The following ZFPM2 variants were observed in gnomAD, a reference collection of about 807,000 sequenced individuals.
The protein encoded by ZFPM2 is zinc finger protein, FOG family member 2.
A neutral mutation model predicts 98.6 loss-of-function variants in ZFPM2; 20 were observed. That is an observed-to-expected ratio of 0.20 (90% CI 0.14 to 0.29). The LOEUF is 0.29. ZFPM2 is among the 10% of genes least tolerant of loss of function. The pLI, the probability that ZFPM2 is intolerant of heterozygous loss-of-function variation, is 1.00. For synonymous variants in ZFPM2, 518 were observed against 502.7 expected (o/e 1.03, Z -0.41); for missense variants, 1,310 against 1,388.6 (o/e 0.94, Z 0.90).
chr8:105,675,472 G>C (rs908402386), intron 5 of ZFPM2, among the ~76,000 whole-genome samples: 3 of 152,174 alleles, frequency 2.0e-5, no homozygotes, highest in African/African-American at 7.2e-5. Flanking sequence ...GTTAGGCACT[G>C]TGGATAAATC....
chr8:105,761,696 T>C (rs573129570), intron 5 of ZFPM2, among the ~76,000 whole-genome samples: 1 of 152,084 alleles, frequency 6.6e-6, no homozygotes, highest in South Asian at 2.1e-4. Context: ...TTACAGACTT[T>C]TGTGTATTGC....
intron 3 of ZFPM2, among the ~76,000 whole-genome samples, chr8:105,483,022 C>CCTTCCTTCCTTCCTTCCTTT (rs1431186400): frequency 1.5e-5 from 2 of 129,338 alleles, no homozygotes; most frequent in Admixed American, 1.7e-4. Context: ...TTCCTTCCTT[C>CCTTCCTTCCTTCCTTCCTTT]CTTCCTTCCT....
At chr8:105,643,261 A>C (rs1352214755) in intron 5 of ZFPM2, among the ~76,000 whole-genome samples, 8 of 152,152 alleles carry the variant, frequency 5.3e-5, no homozygotes, top group African/African-American at 1.4e-4. Flanking sequence ...TCATTACCAG[A>C]CTTCGACAAT....
chr8:105,492,392 T>A (rs1813372890), intron 3 of ZFPM2, among the ~76,000 whole-genome samples: 1 of 152,162 alleles, frequency 6.6e-6, no homozygotes, highest in South Asian at 2.1e-4. Flanking sequence ...TCTCTAGTAC[T>A]GAAAAAATAG....
chr8:105,496,500 A>G (rs1299846054), intron 3 of ZFPM2, among the ~76,000 whole-genome samples: 1 of 152,092 alleles, frequency 6.6e-6, no homozygotes, highest in Admixed American at 6.6e-5. Flanking sequence ...CAAGAATAAA[A>G]CAAAAATAAT....
intron 3 of ZFPM2, among the ~76,000 whole-genome samples, chr8:105,518,630 G>GA (rs1388971090): frequency 2.0e-5 from 3 of 152,202 alleles, no homozygotes; most frequent in Non-Finnish European, 4.4e-5. Flanking sequence ...GAGTTGGCCT[G>GA]AAAGGAGGTG....
At chr8:105,758,217 G>A (rs1399715708) in intron 5 of ZFPM2, among the ~76,000 whole-genome samples, 7 of 152,066 alleles carry the variant, frequency 4.6e-5, no homozygotes, top group African/African-American at 1.7e-4. Context: ...AAATAATCAC[G>A]ACTATCATTC....
intron 3 of ZFPM2, among the ~76,000 whole-genome samples, chr8:105,467,740 T>TAC (rs993007026): frequency 6.6e-5 from 10 of 151,850 alleles, no homozygotes; most frequent in Non-Finnish European, 1.3e-4. Context: ...CACATACACA[T>TAC]ACACACACAC....
chr8:105,710,395 A>C (rs1347122773), intron 5 of ZFPM2, among the ~76,000 whole-genome samples: 2 of 152,168 alleles, frequency 1.3e-5, no homozygotes, highest in South Asian at 4.1e-4. Flanking sequence ...CTTAATAAGC[A>C]TATCACTTCT....
chr8:105,372,774 A>G (rs1810649459), intron 1 of ZFPM2, among the ~76,000 whole-genome samples: 1 of 152,206 alleles, frequency 6.6e-6, no homozygotes, highest in Non-Finnish European at 1.5e-5. Flanking sequence ...GTCATGTAGA[A>G]AGGAAAGAAA....
intron 2 of ZFPM2, among the ~76,000 whole-genome samples, chr8:105,429,623 G>C (rs1811980944): frequency 6.6e-6 from 1 of 150,816 alleles, no homozygotes; most frequent in African/African-American, 2.5e-5. Flanking sequence ...TGTATTGGTG[G>C]CTGACTCCTA....
chr8:105,485,763 G>A (rs887960996), intron 3 of ZFPM2, among the ~76,000 whole-genome samples: 1 of 152,106 alleles, frequency 6.6e-6, no homozygotes, highest in African/African-American at 2.4e-5. Flanking sequence ...GACTACTGGG[G>A]GAAAGGGACT....
intron 1 of ZFPM2, among the ~76,000 whole-genome samples, chr8:105,406,158 T>A (rs1452222055): frequency 6.6e-6 from 1 of 152,176 alleles, no homozygotes; most frequent in Admixed American, 6.6e-5. Flanking sequence ...TTGAGTTCAT[T>A]GTAGATTCTG....
intron 3 of ZFPM2, among the ~76,000 whole-genome samples, chr8:105,456,159 TG>T (rs58275062): frequency 0.014 from 1,975 of 137,740 alleles, 110 homozygotes; most frequent in African/African-American, 0.048. Context: ...TTTTTTTGTT[TG>T]TTTGTTTGTT....
intron 5 of ZFPM2, among the ~76,000 whole-genome samples, chr8:105,731,914 T>C (rs772524463): frequency 2.0e-5 from 3 of 151,790 alleles, no homozygotes; most frequent in Non-Finnish European, 2.9e-5. Context: ...GCTTAGTTTA[T>C]TGAATAGCAA....
At chr8:105,459,744 C>T (rs1470085812) in intron 3 of ZFPM2, among the ~76,000 whole-genome samples, 2 of 152,104 alleles carry the variant, frequency 1.3e-5, no homozygotes, top group East Asian at 3.9e-4. Context: ...GCTTAGAGTC[C>T]TCTCCTTATG....
chr8:105,393,362 C>CTT (rs1586340185), intron 1 of ZFPM2, among the ~76,000 whole-genome samples: 1 of 103,464 alleles, frequency 9.7e-6, no homozygotes, highest in Non-Finnish European at 1.9e-5. Context: ...TTCTTTCTTT[C>CTT]TTTCTTTCTT....
chr8:105,544,562 C>T (rs1207427744), intron 3 of ZFPM2, among the ~76,000 whole-genome samples: 1 of 152,160 alleles, frequency 6.6e-6, no homozygotes, highest in Non-Finnish European at 1.5e-5. Context: ...TGCAACAAAG[C>T]TGAAACTGAA....
chr8:105,465,506 C>T (rs947843013), intron 3 of ZFPM2, among the ~76,000 whole-genome samples: 1 of 151,692 alleles, frequency 6.6e-6, no homozygotes, highest in Non-Finnish European at 1.5e-5. Context: ...ACAAAAAACG[C>T]AAAGCCAACA....
Sources: gnomAD v4.1 joint callset for allele counts (sites outside exome capture counted in the v4.1 genomes callset) on GRCh38, gnomAD v4.1.1 for gene constraint, MANE v1.5 for transcripts, NCBI Gene and HGNC (gene_info 2026-07-23, HGNC 2026-07-21) for gene names.